KCNQ1OT1: variants seen among roughly 807,000 people sequenced by gnomAD.
KCNQ1OT1 encodes KCNQ1 opposite strand/antisense transcript 1.
chr11:2,638,921 T>C (rs1340226296), exon 1 of KCNQ1OT1: 1 of 152,230 alleles, frequency 6.6e-6, no homozygotes, highest in Non-Finnish European at 1.5e-5. Flanking sequence ...TTGTTTTTAC[T>C]CTTTTTTCTC....
At chr11:2,665,162 G>C (rs943365581) in exon 1 of KCNQ1OT1, 1 of 398,718 alleles carries the variant, frequency 2.5e-6, no homozygotes, top group Non-Finnish European at 4.4e-6. Flanking sequence ...CCCTCAACCA[G>C]CTCTGGGCGG....
At chr11:2,699,509 CCCCCAGGAGAGTGCCGCGCTGAGGAG>C (rs1850739485) in exon 1 of KCNQ1OT1, 3 of 178,794 alleles carry the variant, frequency 1.7e-5, no homozygotes, top group Non-Finnish European at 2.7e-5. Flanking sequence ...CGCTGAGGAG[CCCCCAGGAGAGTGCCGCGCTGAGGAG>C]GCCCAGGGAG....
At chr11:2,699,775 C>A in exon 1 of KCNQ1OT1, 1 of 397,942 alleles carries the variant, frequency 2.5e-6, no homozygotes, top group Admixed American at 4.4e-5. Context: ...TGAGGAGCCC[C>A]GAGGAGAACC....
exon 1 of KCNQ1OT1, chr11:2,643,509 C>T: frequency 2.5e-6 from 1 of 398,434 alleles, no homozygotes; most frequent in Non-Finnish European, 4.4e-6. Flanking sequence ...CATGTAATAT[C>T]TTTTCCCATT....
At chr11:2,625,578 CTTTT>C (rs35148119) in exon 1 of KCNQ1OT1, 24 of 346,098 alleles carry the variant, frequency 6.9e-5, no homozygotes, top group South Asian at 1.6e-4. Context: ...GTCCTTTGCC[CTTTT>C]TTTTTTTTTT....
Position 2,627,489 on chromosome 11 carries a change from T to TA in KCNQ1OT1, n.72505dup. ...CCCTGACCCCTAGTAACCACCCTTC[T>TA]ACTCTCCGTTTCTCTGAGTTCAAGC... On this transcript the variant is annotated non_coding_transcript_exon_variant, in exon 1 of 1. Transcript: ENST00000597346. This position sits in a 1 kb window ranked among gnomAD's most constrained non-coding sequence, Gnocchi z 4.9. 1 of 398,556 alleles carries TA rather than the reference T, an allele frequency of 2.5e-6. No homozygotes were observed. The highest frequency in any genetic ancestry group is 4.4e-6 in the Non-Finnish European group (1 of 226,050). The allele number at this position is 398,556 out of a possible 1,614,324, so 24.7% of individuals were successfully genotyped here.
rs974908261 is a variant in KCNQ1OT1, at chr11:2,647,284, T to C, written n.52711A>G. On this transcript the variant is annotated non_coding_transcript_exon_variant, in exon 1 of 1. Transcript: ENST00000597346. The surrounding 1 kb of genome is among the most constrained non-coding windows in gnomAD (Gnocchi z 4.0). ...TAATGTGATGTATCACATTTATTGA[T>C]TTGTATATGTTGAACCATCCTTGAA... The C allele has an allele frequency of 5.0e-5, 20 of 398,436 alleles. No individual in the cohort carries two copies. The highest frequency in any genetic ancestry group is 3.7e-4 in the African/African-American group (18 of 48,632). 24.7% of individuals were successfully genotyped at this position (398,436 alleles called of 1,614,324 possible).
At chr11:2,680,447 T>C in exon 1 of KCNQ1OT1, 1 of 398,554 alleles carries the variant, frequency 2.5e-6, no homozygotes, top group South Asian at 1.3e-4. Flanking sequence ...AATTCATTTC[T>C]GGGTATTTTT....
At position 2,613,560 on chromosome 11, in the gene KCNQ1OT1, G is replaced by T. The variant is rs957139409; in HGVS notation, n.86435C>A. ...ATCATAACCCTGCTATTCTTAGGAAGGCTTAATATTTTTTCTTTAATTAGC... is the reference window on the plus strand; with the variant it reads ...ATCATAACCCTGCTATTCTTAGGAATGCTTAATATTTTTTCTTTAATTAGC... On this transcript the variant is annotated non_coding_transcript_exon_variant, in exon 1 of 1. Coordinates refer to ENST00000597346, the Ensembl canonical transcript of KCNQ1OT1. This position sits in a 1 kb window ranked among gnomAD's most constrained non-coding sequence, Gnocchi z 4.8. The T allele has an allele frequency of 6.3e-5, 25 of 398,308 alleles. No individual in the cohort carries two copies. The highest frequency in any genetic ancestry group is 6.2e-4 in the Middle Eastern group (1 of 1,610). The allele number at this position is 398,308 out of a possible 1,614,324, so 24.7% of individuals were successfully genotyped here.
Position 2,686,481 on chromosome 11 carries a change from AC to A in KCNQ1OT1, n.13513del, listed in dbSNP as rs1029345952. ...TGTTTTGAAATAATTCCCAACAGAT[AC>A]CCCCACCCTCACCCAGTGTTGAGTC... On this transcript the variant is annotated non_coding_transcript_exon_variant, in exon 1 of 1. Coordinates refer to ENST00000597346, the Ensembl canonical transcript of KCNQ1OT1. 3 of 398,228 alleles carry A rather than the reference AC, an allele frequency of 7.5e-6. No individual in the cohort carries two copies. The East Asian group carries it at 1.1e-4, about 14-fold the overall frequency. 24.7% of individuals were successfully genotyped at this position (398,228 alleles called of 1,614,324 possible).
chr11:2,612,673 G>A lies in KCNQ1OT1; in HGVS notation n.87322C>T, dbSNP rs552867510. ...TGCATTCTTTAATGTGGTTTCTTTTGGTTCTTTGAACATAGTTATAATACT... is the reference window on the plus strand; with the variant it reads ...TGCATTCTTTAATGTGGTTTCTTTTAGTTCTTTGAACATAGTTATAATACT... On this transcript the variant is annotated non_coding_transcript_exon_variant, in exon 1 of 1. Coordinates refer to ENST00000597346, the Ensembl canonical transcript of KCNQ1OT1. The surrounding 1 kb of genome is among the most constrained non-coding windows in gnomAD (Gnocchi z 5.5). 2.5e-6 allele frequency: 1 copy of A among 398,328 alleles called. No individual in the cohort carries two copies. The highest frequency in any genetic ancestry group is 2.1e-5 in the African/African-American group (1 of 48,650). 24.7% of individuals were successfully genotyped at this position (398,328 alleles called of 1,614,324 possible). A position where few individuals can be genotyped will look rare whatever the true frequency, so the allele number is the denominator to read the frequency against.
rs182981279 is a variant in KCNQ1OT1, at chr11:2,654,383, C to T, written n.45612G>A. The T allele has an allele frequency of 7.5e-6, 3 of 398,520 alleles. No homozygotes were observed. The highest frequency in any genetic ancestry group is 2.5e-4 in the South Asian group (2 of 7,852). The allele number at this position is 398,520 out of a possible 1,614,324, so 24.7% of individuals were successfully genotyped here. A position where few individuals can be genotyped will look rare whatever the true frequency, so the allele number is the denominator to read the frequency against. On this transcript the variant is annotated non_coding_transcript_exon_variant, in exon 1 of 1. Coordinates refer to ENST00000597346, the Ensembl canonical transcript of KCNQ1OT1. This position sits in a 1 kb window ranked among gnomAD's most constrained non-coding sequence, Gnocchi z 6.4. ...TGTTCATCCTTGTGAAGTAGGCTGG[C>T]TCAGGGAACTCGCCTGTGCCAAACC...
In KCNQ1OT1 at chr11:2,620,856, T is replaced by C. The variant is rs1016326761; in HGVS notation, n.79139A>G. On this transcript the variant is annotated non_coding_transcript_exon_variant, in exon 1 of 1. Transcript: ENST00000597346. This position sits in a 1 kb window ranked among gnomAD's most constrained non-coding sequence, Gnocchi z 4.5. The stretch of plus-strand genomic sequence containing the variant: ...TCTGCAGCCTTCCCAGCAACTTTTA[T>C]TTTTTTGACTTTTTAATAATTGCCA... 2 of 398,428 alleles carry C rather than the reference T, an allele frequency of 5.0e-6. No individual in the cohort carries two copies. Among genetic ancestry groups the C allele is most frequent in the African/African-American group, 4.1e-5 (2 of 48,602 alleles). The allele number at this position is 398,428 out of a possible 1,614,324, so 24.7% of individuals were successfully genotyped here. A position where few individuals can be genotyped will look rare whatever the true frequency, so the allele number is the denominator to read the frequency against.
exon 1 of KCNQ1OT1, chr11:2,610,564 G>T: frequency 2.5e-6 from 1 of 398,276 alleles, no homozygotes; most frequent in South Asian, 1.3e-4. Context: ...TGAACTTCCT[G>T]GGAGCACTTC....
Position 2,683,249 on chromosome 11 carries a change from C to T in KCNQ1OT1, n.16746G>A. 1 of 398,618 alleles carries T rather than the reference C, an allele frequency of 2.5e-6. No homozygotes were observed. Among genetic ancestry groups the T allele is most frequent in the Non-Finnish European group, 4.4e-6 (1 of 226,076 alleles). The allele number at this position is 398,618 out of a possible 1,614,324, so 24.7% of individuals were successfully genotyped here. ...AGATACAGAGCAGGAGTCCATGGCA[C>T]CTCCAGAACCTGTCAGCCTGAGTAT... is the stretch of plus-strand genomic sequence containing the variant. On this transcript the variant is annotated non_coding_transcript_exon_variant, in exon 1 of 1. Coordinates refer to ENST00000597346, the Ensembl canonical transcript of KCNQ1OT1. The surrounding 1 kb of genome is among the most constrained non-coding windows in gnomAD (Gnocchi z 4.7).
Position 2,642,098 on chromosome 11 carries a change from A to G in KCNQ1OT1, n.57897T>C, listed in dbSNP as rs890505822. 4 of 398,466 alleles carry G rather than the reference A, an allele frequency of 1.0e-5. No homozygotes were observed. Among genetic ancestry groups the G allele is most frequent in the Non-Finnish European group, 1.8e-5 (4 of 225,970 alleles). The allele number at this position is 398,466 out of a possible 1,614,324, so 24.7% of individuals were successfully genotyped here. On this transcript the variant is annotated non_coding_transcript_exon_variant, in exon 1 of 1. Transcript: ENST00000597346. The surrounding 1 kb of genome is among the most constrained non-coding windows in gnomAD (Gnocchi z 4.3). ...ATTTTTGCTCAGAATTGCTGTGGCT[A>G]TTCCAGCTCTTTTTTGGTTCCATCT...
chr11:2,674,651 G>A lies in KCNQ1OT1; in HGVS notation n.25344C>T, dbSNP rs1260045526. The A allele has an allele frequency of 1.0e-5, 4 of 398,382 alleles. No individual in the cohort carries two copies. Among genetic ancestry groups the A allele is most frequent in the Non-Finnish European group, 1.3e-5 (3 of 226,056 alleles). The allele number at this position is 398,382 out of a possible 1,614,324, so 24.7% of individuals were successfully genotyped here. A position where few individuals can be genotyped will look rare whatever the true frequency, so the allele number is the denominator to read the frequency against. ...AACATGCCTTTGAATTGGAAAGCCA[G>A]AACTTTTTGCAAAATAATTTGAAAA... On this transcript the variant is annotated non_coding_transcript_exon_variant, in exon 1 of 1. Coordinates refer to ENST00000597346, the Ensembl canonical transcript of KCNQ1OT1. This position sits in a 1 kb window ranked among gnomAD's most constrained non-coding sequence, Gnocchi z 5.9.
rs1242554125 is a variant in KCNQ1OT1 at position 2,658,066 on chromosome 11, G to A, written n.41929C>T. The A allele has an allele frequency of 5.0e-6, 2 of 398,404 alleles. No individual in the cohort carries two copies. Among genetic ancestry groups the A allele is most frequent in the African/African-American group, 4.1e-5 (2 of 48,594 alleles). 24.7% of individuals were successfully genotyped at this position (398,404 alleles called of 1,614,324 possible). ...TCACTAAGTATAGCCCACACTCAAGGTGGGGAAGGGAGGGGTTCAACTCTA... is the reference window on the plus strand; with the variant it reads ...TCACTAAGTATAGCCCACACTCAAGATGGGGAAGGGAGGGGTTCAACTCTA... On this transcript the variant is annotated non_coding_transcript_exon_variant, in exon 1 of 1. Coordinates refer to ENST00000597346, the Ensembl canonical transcript of KCNQ1OT1. The surrounding 1 kb of genome is among the most constrained non-coding windows in gnomAD (Gnocchi z 4.9).
At chr11:2,619,131 T>C (rs1849120024) in exon 1 of KCNQ1OT1, 1 of 398,576 alleles carries the variant, frequency 2.5e-6, no homozygotes, top group Non-Finnish European at 4.4e-6. Context: ...ATAAAGATAA[T>C]ATTACTTCTT....
Sources: gnomAD v4.1 joint callset for allele counts on GRCh38, gnomAD v4.1.1 for gene constraint, Gnocchi (gnomAD v3.1) non-coding constraint, MANE v1.5 for transcripts, NCBI Gene and HGNC (gene_info 2026-07-23, HGNC 2026-07-21) for gene names.